SHTN1: variants seen among roughly 807,000 people sequenced by gnomAD.
SHTN1 encodes shootin 1.
A neutral mutation model predicts 83.1 loss-of-function variants in SHTN1; 42 were observed. That is an observed-to-expected ratio of 0.51 (90% CI 0.39 to 0.65). The LOEUF (loss-of-function observed/expected upper bound fraction) is 0.65. Among genes scored for constraint, SHTN1 ranks in the 30% least tolerant of loss-of-function variants. The pLI, the probability that SHTN1 is intolerant of heterozygous loss-of-function variation, is 0.00. For missense variants in SHTN1, 622 were observed against 737.8 expected, an observed-to-expected ratio of 0.84 and a Z score of 1.82; for synonymous variants, 224 against 247.7, an observed-to-expected ratio of 0.90 and a Z score of 0.90.
chr10:117,033,995 C>A (rs911675920), intron 2 of SHTN1, among the ~76,000 whole-genome samples: 1 of 151,134 alleles, frequency 6.6e-6, no homozygotes, highest in East Asian at 2.0e-4. Context: ...GAGAAAAACT[C>A]TAAAAAACCG....
chr10:116,983,123 T>A (rs1019013462), intron 1 of SHTN1, among the ~76,000 whole-genome samples: 1 of 152,190 alleles, frequency 6.6e-6, no homozygotes, highest in African/African-American at 2.4e-5. Context: ...TACATCCTAA[T>A]GACAGCCGAG....
At chr10:116,949,949 T>A (rs949454253) in intron 6 of SHTN1, among the ~76,000 whole-genome samples, 2 of 152,172 alleles carry the variant, frequency 1.3e-5, no homozygotes, top group Non-Finnish European at 2.9e-5. Flanking sequence ...AAAGCAGGCA[T>A]GTTTATAATA....
intron 2 of SHTN1, among the ~76,000 whole-genome samples, chr10:117,039,176 T>C (rs956226020): frequency 2.0e-5 from 3 of 152,150 alleles, no homozygotes; most frequent in African/African-American, 7.2e-5. Context: ...GAAAGGAGCA[T>C]CAACCCATGA....
At position 116,927,819 on chromosome 10, in the gene SHTN1, A is replaced by AGTG. The variant is rs766881837; in HGVS notation, c.1082_1084dup (p.Pro361dup). 2.7e-6 allele frequency: 4 copies of AGTG among 1,496,054 alleles called. No homozygotes were observed. The highest frequency in any genetic ancestry group is 1.8e-5 in the Admixed American group (1 of 56,142). The allele number at this position is 1,496,054 out of a possible 1,614,324, so 92.7% of individuals were successfully genotyped here. A position where few individuals can be genotyped will look rare whatever the true frequency, so the allele number is the denominator to read the frequency against. On this transcript the variant is annotated inframe_insertion, in exon 11 of 17. Transcript: ENST00000355371. ...GATAGGATTGGGAGGTGGAGGGGGA[A>AGTG]GTGGTGGTGGAGGAGGAGGTGGTGG...
upstream of SHTN1, among the ~76,000 whole-genome samples, chr10:117,010,573 A>C (rs1852089112): frequency 6.6e-6 from 1 of 152,194 alleles, no homozygotes; most frequent in Non-Finnish European, 1.5e-5. Context: ...TTCCTAACTC[A>C]TTCTATGAGG....
intron 1 of SHTN1, among the ~76,000 whole-genome samples, chr10:116,991,321 C>CGGCAA (rs1851428424): frequency 6.6e-6 from 1 of 152,170 alleles, no homozygotes; most frequent in Non-Finnish European, 1.5e-5. Flanking sequence ...TCTGTGTTGC[C>CGGCAA]ATAAATGAAT....
chr10:117,066,155 T>G (rs550851099), intron 1 of SHTN1, among the ~76,000 whole-genome samples: 1 of 152,182 alleles, frequency 6.6e-6, no homozygotes. Flanking sequence ...TAACAGGACC[T>G]ATGGAGTTCT....
intron 1 of SHTN1, among the ~76,000 whole-genome samples, chr10:117,073,032 G>A (rs1853106626): frequency 6.6e-6 from 1 of 152,132 alleles, no homozygotes; most frequent in Non-Finnish European, 1.5e-5. Context: ...CAAAAGTTCA[G>A]GACACATTGG....
At position 116,927,854 on chromosome 10, in the gene SHTN1, A is replaced by G; in HGVS notation, c.1050T>C (p.Asn350=). ...ELQKRVNQSE[N]SVPPPPPPPP... is the part of the protein sequence containing the mutation. ...GAGGAGGAGGTGGTGGAGGTACTGA[A>G]TTCTCAGACTGGTTCACTCGTTTCT... Residue 350 remains asparagine (N), a synonymous_variant, in exon 11 of 17, where the codon AAT becomes AAC. Transcript: ENST00000355371. 6.2e-7 allele frequency: 1 copy of G among 1,611,906 alleles called. No individual in the cohort carries two copies. Among genetic ancestry groups the G allele is most frequent in the Non-Finnish European group, 8.5e-7 (1 of 1,179,084 alleles).
At position 116,886,307 on chromosome 10, in the gene SHTN1, A is replaced by G. The variant is rs1359249125; in HGVS notation, c.*37T>C. On this transcript the variant is annotated 3_prime_UTR_variant, in exon 17 of 17. Transcript: ENST00000355371. ...CAACACTAATCATGTGCTTATTGAAAAGGACTTCCAAACATGTCAGGCTTC... is the reference window on the plus strand; with the variant it reads ...CAACACTAATCATGTGCTTATTGAAGAGGACTTCCAAACATGTCAGGCTTC... 6.4e-7 allele frequency: 1 copy of G among 1,551,538 alleles called. No individual in the cohort carries two copies. The highest frequency in any genetic ancestry group is 1.4e-5 in the African/African-American group (1 of 73,092).
intron 2 of SHTN1, among the ~76,000 whole-genome samples, chr10:117,015,671 A>G (rs1852171846): frequency 6.6e-6 from 1 of 152,198 alleles, no homozygotes; most frequent in Non-Finnish European, 1.5e-5. Flanking sequence ...CACTATCTAC[A>G]CTAAATGGAA....
intron 2 of SHTN1, chr10:117,048,437 T>C: frequency 2.0e-6 from 2 of 977,466 alleles, no homozygotes; most frequent in Non-Finnish European, 2.4e-6. Flanking sequence ...CACGGTCTTG[T>C]TACCTACCCC....
intron 1 of SHTN1, among the ~76,000 whole-genome samples, chr10:117,078,745 G>C (rs1363018502): frequency 6.6e-6 from 1 of 152,130 alleles, no homozygotes; most frequent in Non-Finnish European, 1.5e-5. Context: ...AGAACCAGAA[G>C]AGTAAAAACA....
intron 1 of SHTN1, among the ~76,000 whole-genome samples, chr10:117,077,151 T>C (rs1853170454): frequency 1.3e-5 from 2 of 152,340 alleles, no homozygotes; most frequent in African/African-American, 2.4e-5. Context: ...GTTTCCTTAG[T>C]TGGCAAAGTA....
chr10:116,959,535 C>G (rs1162726002), intron 4 of SHTN1, among the ~76,000 whole-genome samples: 1 of 152,030 alleles, frequency 6.6e-6, no homozygotes, highest in African/African-American at 2.4e-5. Flanking sequence ...ATGCATTTTA[C>G]CCAACCCAAA....
At chr10:116,952,244 G>C (rs1420087889) in intron 5 of SHTN1, among the ~76,000 whole-genome samples, 2 of 152,112 alleles carry the variant, frequency 1.3e-5, no homozygotes, top group Non-Finnish European at 2.9e-5. Flanking sequence ...AAATGTACCA[G>C]ATCATGTTTT....
intron 1 of SHTN1, among the ~76,000 whole-genome samples, chr10:117,122,559 G>A (rs1039487181): frequency 7.2e-5 from 11 of 152,214 alleles, no homozygotes; most frequent in African/African-American, 2.7e-4. Context: ...GTAATCATCA[G>A]GGAAATGCAA....
At chr10:117,066,279 T>C (rs1216911324) in intron 1 of SHTN1, among the ~76,000 whole-genome samples, 2 of 152,192 alleles carry the variant, frequency 1.3e-5, no homozygotes, top group African/African-American at 4.8e-5. Context: ...ATAGCAGGTA[T>C]TCATTTATTC....
At chr10:117,006,873 T>C (rs377650360), upstream of SHTN1, among the ~76,000 whole-genome samples, 2 of 151,936 alleles carry the variant, frequency 1.3e-5, no homozygotes, top group East Asian at 1.9e-4. Flanking sequence ...CTGTAACTAG[T>C]GTCTTTCTGA....
Sources: gnomAD v4.1 joint callset for allele counts (sites outside exome capture counted in the v4.1 genomes callset) on GRCh38, gnomAD v4.1.1 for gene constraint, MANE v1.5 for transcripts, NCBI Gene and HGNC (gene_info 2026-07-23, HGNC 2026-07-21) for gene names.